The following MOSPD1 variants were observed in gnomAD, a reference collection of about 807,000 sequenced individuals.
MOSPD1 encodes motile sperm domain containing 1.
A neutral mutation model predicts 16.7 loss-of-function variants in MOSPD1; 5 were observed. That is an observed-to-expected ratio of 0.30 (90% CI 0.16 to 0.63). The LOEUF is 0.63. Ranked by LOEUF, MOSPD1 falls within the 30% of genes least tolerant of loss-of-function variation. MOSPD1 has a pLI of 0.82. For synonymous variants in MOSPD1, 67 were observed against 59.2 expected, an observed-to-expected ratio of 1.13 and a Z score of -0.61; for missense variants, 104 against 153.6, an observed-to-expected ratio of 0.68 and a Z score of 1.71.
At chrX:134,894,698 C>T (rs2082877544) in intron 4 of MOSPD1, among the ~76,000 whole-genome samples, 1 of 111,634 alleles carries the variant, frequency 9.0e-6, no homozygotes, top group African/African-American at 3.3e-5. Context: ...GTGGTATCAC[C>T]TTTCCTCTAA....
At chrX:134,896,278 G>A (rs1400601392) in intron 4 of MOSPD1, among the ~76,000 whole-genome samples, 2 of 111,336 alleles carry the variant, frequency 1.8e-5, no homozygotes, top group Non-Finnish European at 1.9e-5. Flanking sequence ...AATGAGGGCT[G>A]GAGAGGGATT....
intron 3 of MOSPD1, among the ~76,000 whole-genome samples, chrX:134,898,245 C>A (rs2082895734): frequency 9.0e-6 from 1 of 111,667 alleles, no homozygotes; most frequent in Admixed American, 9.6e-5. Context: ...CTAGGGAACA[C>A]AAAACAATTA....
intron 4 of MOSPD1, among the ~76,000 whole-genome samples, chrX:134,894,477 A>C (rs1362192458): frequency 5.3e-5 from 6 of 112,159 alleles, no homozygotes; most frequent in Non-Finnish European, 9.4e-5. Flanking sequence ...TCAACATTTT[A>C]GTTCAGAAAA....
At chrX:134,902,386 G>A (rs1253506430) in intron 1 of MOSPD1, among the ~76,000 whole-genome samples, 4 of 75,756 alleles carry the variant, frequency 5.3e-5, no homozygotes, top group East Asian at 3.2e-4. Context: ...GCGAAATTCC[G>A]TCTCATAAAT....
intron 1 of MOSPD1, among the ~76,000 whole-genome samples, chrX:134,911,071 C>A (rs1176128453): frequency 8.9e-6 from 1 of 111,899 alleles, no homozygotes; most frequent in African/African-American, 3.2e-5. Flanking sequence ...GCTATGTTGC[C>A]CAGGCTGGTC....
intron 4 of MOSPD1, among the ~76,000 whole-genome samples, chrX:134,895,982 T>C (rs1490804047): frequency 9.0e-6 from 1 of 111,159 alleles, no homozygotes; most frequent in Non-Finnish European, 1.9e-5. Context: ...AACAAACTGA[T>C]ACGACTGAAT....
intron 4 of MOSPD1, among the ~76,000 whole-genome samples, chrX:134,893,264 C>G (rs1364968225): frequency 9.0e-6 from 1 of 111,513 alleles, no homozygotes; most frequent in Non-Finnish European, 1.9e-5. Context: ...AAGAAAAACC[C>G]CAAGTCTTGT....
At position 134,896,900 on chromosome X, in the gene MOSPD1, T is replaced by A. The variant is rs753940613; in HGVS notation, c.365A>T (p.Lys122Ile). 2 of 1,210,380 alleles carry A rather than the reference T, an allele frequency of 1.7e-6. No homozygotes were observed. The highest frequency in any genetic ancestry group is 3.5e-5 in the South Asian group (2 of 56,941). ...TTCCTCTTCTTCCTTTTGTTGTTCT[T>A]TTGCTGATGGGAGAAGAGTAGCAAC... The part of the protein sequence containing the change: ...EVVATLLPSA[K>I]EQQKEEEEKR... Residue 122 changes from lysine to isoleucine, a missense_variant, in exon 4 of 6, where the codon AAA (lysine) becomes ATA (isoleucine). Transcript: ENST00000370783.
intron 1 of MOSPD1, among the ~76,000 whole-genome samples, chrX:134,908,801 G>GT (rs1195285861): frequency 4.5e-5 from 5 of 112,104 alleles, no homozygotes; most frequent in Non-Finnish European, 7.5e-5. Context: ...AAGTATGATG[G>GT]TTTTTTCCAT....
rs201144055 is a variant in MOSPD1, at chrX:134,901,639, ACT to A, written c.-101-2107_-101-2106del. Among the ~76,000 whole-genome samples, 842 of 105,430 alleles carry A rather than the reference ACT, an allele frequency of 8.0e-3. 9 individuals are homozygous for A. Among genetic ancestry groups the A allele is most frequent in the African/African-American group, 0.026 (757 of 28,585 alleles). The allele number at this position is 105,430 out of a possible 115,157, so 91.6% of individuals were successfully genotyped here. A position where few individuals can be genotyped will look rare whatever the true frequency, so the allele number is the denominator to read the frequency against. ...ACTCCAGCCTAGGTGATAGAGCAAGACTCTATCTCAAAAAAAAGAAAGGCCAG... is the reference window on the plus strand; with the variant it reads ...ACTCCAGCCTAGGTGATAGAGCAAGACTATCTCAAAAAAAAGAAAGGCCAG... On this transcript the variant is annotated intron_variant, in intron 1 of 5. Transcript: ENST00000370783.
chrX:134,892,426 G>A (rs1322245975), intron 4 of MOSPD1, among the ~76,000 whole-genome samples: 1 of 111,816 alleles, frequency 8.9e-6, no homozygotes, highest in Non-Finnish European at 1.9e-5. Flanking sequence ...AGGGGCTGGA[G>A]GAGGAGGATA....
intron 1 of MOSPD1, among the ~76,000 whole-genome samples, chrX:134,910,389 A>C (rs900976214): frequency 3.6e-4 from 40 of 109,968 alleles, no homozygotes; most frequent in Non-Finnish European, 6.1e-4. Context: ...TGGGCAACAG[A>C]GCGAGACTCT....
At position 134,899,499 on chromosome X, in the gene MOSPD1, T is replaced by G; in HGVS notation, c.-66A>C. The G allele has an allele frequency of 9.7e-7, 1 of 1,029,284 alleles. No individual in the cohort carries two copies. The highest frequency in any genetic ancestry group is 2.9e-5 in the South Asian group (1 of 34,922). The allele number at this position is 1,029,284 out of a possible 1,213,427, so 84.8% of individuals were successfully genotyped here. On this transcript the variant is annotated 5_prime_UTR_variant, in exon 2 of 6. Transcript: ENST00000370783. ...TCTCAAATCTATTTTGGACTTTTCTTAGATTCAGTTAAAAACTCCAAAGCA... is the reference window on the plus strand; with the variant it reads ...TCTCAAATCTATTTTGGACTTTTCTGAGATTCAGTTAAAAACTCCAAAGCA...
chrX:134,900,066 G>C, intron 1 of MOSPD1: 1 of 112,079 alleles, frequency 8.9e-6, no homozygotes, highest in East Asian at 2.8e-4. Flanking sequence ...CTTTCACATT[G>C]AGGATTTTAA....
intron 4 of MOSPD1, among the ~76,000 whole-genome samples, chrX:134,894,568 C>T (rs1037689094): frequency 1.8e-5 from 2 of 111,814 alleles, no homozygotes; most frequent in Admixed American, 1.9e-4. Context: ...CTAAATCAGT[C>T]ATCATGATAC....
chrX:134,888,843 A>C lies in MOSPD1; in HGVS notation c.*318T>G, dbSNP rs2082847254. On this transcript the variant is annotated 3_prime_UTR_variant, in exon 6 of 6. Coordinates refer to ENST00000370783, the MANE Select transcript of MOSPD1 (RefSeq NM_019556.3). ...TAACTTCGAAGCATACATGACCCCT[A>C]GCAATCAAAGTGAATTAGAAAAAAA... is the stretch of plus-strand genomic sequence containing the variant. 8.0e-6 allele frequency: 1 copy of C among 124,689 alleles called. No individual in the cohort carries two copies. Among genetic ancestry groups the C allele is most frequent in the Non-Finnish European group, 1.6e-5 (1 of 60,997 alleles). 10.3% of individuals were successfully genotyped at this position (124,689 alleles called of 1,213,427 possible). A position where few individuals can be genotyped will look rare whatever the true frequency, so the allele number is the denominator to read the frequency against.
chrX:134,912,316 G>A (rs1297615046), intron 1 of MOSPD1, among the ~76,000 whole-genome samples: 1 of 111,372 alleles, frequency 9.0e-6, no homozygotes, highest in Non-Finnish European at 1.9e-5. Flanking sequence ...CCAAAGCTCT[G>A]GGATCACAGG....
At chrX:134,894,431 A>AT (rs777833197) in intron 4 of MOSPD1, among the ~76,000 whole-genome samples, 13 of 111,874 alleles carry the variant, frequency 1.2e-4, no homozygotes, top group Non-Finnish European at 2.4e-4. Flanking sequence ...AAGTAATGAC[A>AT]TTTCAAAGCC....
intron 5 of MOSPD1, among the ~76,000 whole-genome samples, chrX:134,890,002 C>T (rs6635019): frequency 0.055 from 5,529 of 100,280 alleles, 396 homozygotes; most frequent in East Asian, 0.48. Flanking sequence ...ACTGGGGAGG[C>T]GGAGGTTGCA....
Sources: allele counts gnomAD v4.1 joint callset (sites outside exome capture counted in the v4.1 genomes callset), GRCh38; gene constraint gnomAD v4.1.1; transcripts MANE v1.5; gene names NCBI Gene and HGNC (gene_info 2026-07-23, HGNC 2026-07-21).